PGLS: variants seen among roughly 807,000 people sequenced by gnomAD.
PGLS encodes the protein 6-phosphogluconolactonase.
Under a neutral mutation model 23.2 loss-of-function variants are expected in PGLS, and 21 were observed. That is an observed-to-expected ratio of 0.91 (90% confidence interval 0.64 to 1.31). The LOEUF (loss-of-function observed/expected upper bound fraction) is 1.31. Among genes scored for constraint, PGLS ranks in the 50% most tolerant of loss-of-function variants. The pLI is 0.00. For missense variants in PGLS, 410 were observed against 354.0 expected, an observed-to-expected ratio of 1.16 and a Z score of -1.27; for synonymous variants, 179 against 165.4, an observed-to-expected ratio of 1.08 and a Z score of -0.63.
intron 1 of PGLS, among the ~76,000 whole-genome samples, chr19:17,513,512 T>TAA (rs34816451): frequency 0.21 from 28,519 of 137,624 alleles, 3,839 homozygotes; most frequent in African/African-American, 0.36. Flanking sequence ...GTCTTAAAGA[T>TAA]AAAAAAAAAA....
At chr19:17,517,578 T>G in intron 3 of PGLS, 132 bp from the exon 4 acceptor site, 1 of 1,123,376 alleles carries the variant, frequency 8.9e-7, no homozygotes, top group Non-Finnish European at 1.3e-6. Context: ...ACAGGGACCT[T>G]AAACTACCCA....
intron 2 of PGLS, 31 bp downstream of exon 2, chr19:17,516,311 C>G: frequency 6.2e-7 from 1 of 1,600,046 alleles, no homozygotes; most frequent in Non-Finnish European, 8.5e-7. Context: ...GCAAGGGAGT[C>G]ACATCCACGA....
chr19:17,520,959 C>A lies in PGLS; in HGVS notation c.655C>A (p.Gln219Lys). ...TCTTCTTCAGCGCATTTTGGAGGAC[C>A]AGGAGGAAAACCCGCTGCCCGCCGC... is the stretch of plus-strand genomic sequence containing the variant. ...AAVLKRILED[Q>K]EENPLPAALV... The change falls in exon 5 of 5, where the codon CAG becomes AAG. Residue 219 changes from glutamine (Q) to lysine (K), a missense_variant. Physicochemically the swap from Gln to Lys is moderately conservative, Grantham distance 53. Transcript: ENST00000252603. 6.3e-7 allele frequency: 1 copy of A among 1,597,956 alleles called. No homozygotes were observed. The highest frequency in any genetic ancestry group is 8.5e-7 in the Non-Finnish European group (1 of 1,171,770).
At chr19:17,512,171 G>C in intron 1 of PGLS, 1 of 545,318 alleles carries the variant, frequency 1.8e-6, no homozygotes, top group Non-Finnish European at 3.1e-6. Flanking sequence ...TGCCAAGAGG[G>C]CCGCGCCCAC....
At chr19:17,512,306 G>A in intron 1 of PGLS, 1 of 354,084 alleles carries the variant, frequency 2.8e-6, no homozygotes, top group Non-Finnish European at 5.2e-6. Context: ...CCTGAACCCC[G>A]CCTACAGTGG....
chr19:17,512,322 G>T, intron 1 of PGLS: 1 of 314,854 alleles, frequency 3.2e-6, no homozygotes. Context: ...AGTGGGTCCC[G>T]CAGGACCTCA....
chr19:17,517,288 G>C lies in PGLS; in HGVS notation c.397G>C (p.Ala133Pro). ...AAGGCTGTCTTCTCCCCACGCCCAG[G>C]CATTCCAAGGGGACTCCATCCCGGT... Reference protein sequence around the residue: ...AEDYAKKLRQAFQGDSIPVFD... With the variant: ...AEDYAKKLRQPFQGDSIPVFD... Residue 133 changes from alanine to proline, a missense_variant and splice_region_variant, in exon 3 of 5, where the codon GCA becomes CCA. Coordinates refer to ENST00000252603, the MANE Select transcript of PGLS (RefSeq NM_012088.3). 1.2e-6 allele frequency: 2 copies of C among 1,611,536 alleles called. No homozygotes were observed. The highest frequency in any genetic ancestry group is 1.7e-6 in the Non-Finnish European group (2 of 1,177,834).
Position 17,517,358 on chromosome 19 carries a change from G to C in PGLS, c.467G>C (p.Cys156Ser), listed in dbSNP as rs555257514. ...GGGGTGGGCCCCGATGGTCACACCTGCTCACTCTTCCCAGACCACCCCCTC... is the reference window on the plus strand; with the variant it reads ...GGGGTGGGCCCCGATGGTCACACCTCCTCACTCTTCCCAGACCACCCCCTC... ...ILGVGPDGHT[C>S]SLFPDHPLLQ... The change falls in exon 3 of 5, where the codon TGC (cysteine) becomes TCC (serine). Residue 156 changes from cysteine (C) to serine (S), a missense_variant. Cys to Ser is a moderately radical substitution (Grantham distance 112). Coordinates refer to ENST00000252603, the MANE Select transcript of PGLS (RefSeq NM_012088.3). 3.7e-6 allele frequency: 6 copies of C among 1,613,776 alleles called. No homozygotes were observed. In the African/African-American group the frequency reaches 6.7e-5, roughly 18 times the overall value.
chr19:17,520,748 A>G lies in PGLS; in HGVS notation c.640-196A>G, dbSNP rs559028287. On this transcript the variant is annotated intron_variant, in intron 4 of 4. Transcript: ENST00000252603. ...TCCATCTCAAAATAAATAAATAAAT[A>G]AATAAAAATAGTTACAGTGGATAGA... Among the ~76,000 whole-genome samples the G allele has an allele frequency of 2.0e-5, 3 of 152,214 alleles. No individual in the cohort carries two copies. In the East Asian group the frequency reaches 5.8e-4, roughly 29 times the overall value.
At chr19:17,511,989 A>C in intron 1 of PGLS, 29 bp downstream of exon 1, 2 of 1,523,384 alleles carry the variant, frequency 1.3e-6, no homozygotes, top group East Asian at 2.6e-5. Flanking sequence ...GCCGGGGATC[A>C]CGCCGAGAGG....
At chr19:17,512,959 G>A (rs1247046992) in intron 1 of PGLS, 1 of 152,266 alleles carries the variant, frequency 6.6e-6, no homozygotes, top group African/African-American at 2.4e-5. Flanking sequence ...AGAAACTGAG[G>A]CCAGAAGAGG....
intron 4 of PGLS, among the ~76,000 whole-genome samples, chr19:17,519,394 ATTGTT>A (rs1487332008): frequency 6.6e-6 from 1 of 151,872 alleles, no homozygotes; most frequent in Non-Finnish European, 1.5e-5. Flanking sequence ...GTGTCCAGAA[ATTGTT>A]TTGTTTGTTT....
intron 1 of PGLS, chr19:17,515,945 C>G: frequency 2.3e-6 from 1 of 434,098 alleles, no homozygotes; most frequent in East Asian, 4.3e-5. Context: ...TCTGCCCTGA[C>G]AGGCGGCGTC....
chr19:17,517,527 G>T, intron 3 of PGLS, 138 bp downstream of exon 3: 1 of 932,682 alleles, frequency 1.1e-6, no homozygotes. Flanking sequence ...ATACCTGCCT[G>T]CTGGGCTCAA....
intron 1 of PGLS, chr19:17,512,799 G>A (rs999636233): frequency 2.0e-5 from 3 of 152,224 alleles, no homozygotes; most frequent in Non-Finnish European, 4.4e-5. Flanking sequence ...CCCATGCTGG[G>A]TGTGCCGTCT....
At chr19:17,520,848 A>G in intron 4 of PGLS, 96 bp from the exon 5 acceptor site, 2 of 1,338,210 alleles carry the variant, frequency 1.5e-6, no homozygotes, top group Non-Finnish European at 2.0e-6. Flanking sequence ...TGAGGATACA[A>G]GAGTCTTATT....
chr19:17,517,935 G>A (rs1017075626), intron 4 of PGLS, 85 bp downstream of exon 4: 2 of 1,358,846 alleles, frequency 1.5e-6, no homozygotes, highest in Non-Finnish European at 1.0e-6. Context: ...TTATTGTGCT[G>A]AAGCATCAGA....
At chr19:17,516,385 AT>A (rs769881948) in intron 2 of PGLS, 105 bp downstream of exon 2, 761 of 1,488,994 alleles carry the variant, frequency 5.1e-4, no homozygotes, top group Admixed American at 1.7e-3. Flanking sequence ...TGCCCCAGGG[AT>A]CACTGGCAGA....
rs779592046 is a variant in PGLS, at chr19:17,517,747, C to T, written c.536C>T (p.Pro179Leu). ...EKIVAPISDS[P>L]KPPPQRVTLT... ...ATTGTGGCTCCCATCAGTGACTCCC[C>T]GAAGCCACCGCCACAGCGTGTGACC... Residue 179 changes from proline to leucine, a missense_variant, in exon 4 of 5, where the codon CCG becomes CTG. Physicochemically the swap from Pro to Leu is moderately conservative, Grantham distance 98. Transcript: ENST00000252603. The T allele has an allele frequency of 8.1e-6, 13 of 1,614,070 alleles. No individual in the cohort carries two copies. The highest frequency in any genetic ancestry group is 1.1e-5 in the Non-Finnish European group (13 of 1,180,004).
Sources: gnomAD v4.1 joint callset for allele counts (sites outside exome capture counted in the v4.1 genomes callset) on GRCh38, gnomAD v4.1.1 for gene constraint, MANE v1.5 for transcripts, NCBI Gene and HGNC (gene_info 2026-07-23, HGNC 2026-07-21) for gene names.